Variants in ABCB1 observed in about 807,000 individuals in gnomAD.
The protein encoded by ABCB1 is ATP binding cassette subfamily B member 1, also known as ATP-dependent translocase ABCB1.
In ABCB1, 69 loss-of-function variants were observed where a neutral mutation model predicts 142.0. The observed-to-expected ratio is 0.49, with a 90% CI of 0.40 to 0.59. The LOEUF (loss-of-function observed/expected upper bound fraction) is 0.59, where lower values mean the gene tolerates loss of function less well. ABCB1 is among the 20% of genes least tolerant of loss of function. The probability of loss-of-function intolerance (pLI) is 0.00; values close to 1 mark genes in which losing one functional copy is unlikely to be tolerated. For missense variants in ABCB1, 1,326 were observed against 1,554.7 expected (o/e 0.85, Z 2.47); for synonymous variants, 532 against 539.2 (o/e 0.99, Z 0.18).
At chr7:87,510,737 T>G (rs927431285) in intron 25 of ABCB1, among the ~76,000 whole-genome samples, 102 of 152,200 alleles carry the variant, frequency 6.7e-4, no homozygotes, top group African/African-American at 2.3e-3. Context: ...CACTGGCAGG[T>G]GCAGGGATGG....
At chr7:87,644,357 T>C (rs1822767238) in intron 1 of ABCB1, among the ~76,000 whole-genome samples, 1 of 152,230 alleles carries the variant, frequency 6.6e-6, no homozygotes. Flanking sequence ...CTGACTGTTA[T>C]TTTAATGGCA....
chr7:87,603,251 T>C (rs1275547702), upstream of ABCB1: 1 of 152,234 alleles, frequency 6.6e-6, no homozygotes. Context: ...ATTTAATCTT[T>C]ACAAGAATCC....
chr7:87,524,640 A>G (rs1815703738), intron 21 of ABCB1, among the ~76,000 whole-genome samples: 3 of 152,082 alleles, frequency 2.0e-5, no homozygotes, highest in Admixed American at 2.0e-4. Context: ...ATGTTAAATG[A>G]CGAGTTGGTG....
upstream of ABCB1, among the ~76,000 whole-genome samples, chr7:87,602,663 A>G (rs566791478): frequency 1.3e-4 from 20 of 152,300 alleles, no homozygotes; most frequent in South Asian, 3.3e-3. Context: ...TATTTCTACA[A>G]TCTTGAGCAT....
chr7:87,709,359 G>A, intron 1 of ABCB1: 5 of 985,354 alleles, frequency 5.1e-6, no homozygotes, highest in Non-Finnish European at 6.0e-6. Flanking sequence ...GAAATTTCAA[G>A]AGAGAATTTT....
intron 14 of ABCB1, among the ~76,000 whole-genome samples, chr7:87,548,436 G>A (rs576965618): frequency 1.3e-5 from 2 of 152,106 alleles, no homozygotes; most frequent in African/African-American, 4.8e-5. Flanking sequence ...AAAATGAGGG[G>A]AAAAATAGTA....
intron 1 of ABCB1, among the ~76,000 whole-genome samples, chr7:87,678,782 A>C (rs1272994368): frequency 3.9e-5 from 6 of 152,210 alleles, no homozygotes. Context: ...AGTAGATTTA[A>C]TTATATATCA....
rs1373986918 is a variant in ABCB1, at chr7:87,553,932, C to T, written c.828G>A (p.Arg276=). The change falls in exon 9 of 28, where the codon AGG becomes AGA. Residue 276 remains arginine, a splice_region_variant and synonymous_variant. Coordinates refer to ENST00000622132, the MANE Select transcript of ABCB1 (RefSeq NM_001348946.2). ...TAGCTTCTTCTAAATTTTTGTTGTA[C>T]CTGAGAAAAAGAACAAAAATGATCA... ...AFGGQKKELE[R]YNKNLEEAKR... is the part of the protein sequence containing the mutation. The T allele has an allele frequency of 1.2e-6, 2 of 1,611,950 alleles. No individual in the cohort carries two copies. The highest frequency in any genetic ancestry group is 2.2e-5 in the East Asian group (1 of 44,854).
At chr7:87,594,533 G>GA (rs1819118417) in intron 3 of ABCB1, among the ~76,000 whole-genome samples, 1 of 152,272 alleles carries the variant, frequency 6.6e-6, no homozygotes, top group Non-Finnish European at 1.5e-5. Context: ...AATAAAAACT[G>GA]AAAGTCTCAA....
intron 1 of ABCB1, chr7:87,628,584 C>CGTGCGTGCGTGTGT (rs1468348829): frequency 7.2e-6 from 2 of 278,404 alleles, no homozygotes; most frequent in African/African-American, 4.8e-5. Context: ...TGCGTGCGTG[C>CGTGCGTGCGTGTGT]GTGTGTGTGT....
intron 22 of ABCB1, among the ~76,000 whole-genome samples, chr7:87,520,479 T>A (rs937866867): frequency 1.3e-5 from 2 of 152,164 alleles, no homozygotes; most frequent in African/African-American, 4.8e-5. Context: ...CATTTTCAAC[T>A]AGAGCAAATT....
chr7:87,589,355 G>A (rs766873915), intron 3 of ABCB1, among the ~76,000 whole-genome samples: 83 of 152,148 alleles, frequency 5.5e-4, no homozygotes, highest in Non-Finnish European at 1.0e-3. Flanking sequence ...AGCAGATAAT[G>A]TTACTGGTTT....
intron 1 of ABCB1, among the ~76,000 whole-genome samples, chr7:87,682,677 TG>T (rs535862290): frequency 6.6e-6 from 1 of 152,312 alleles, no homozygotes; most frequent in East Asian, 1.9e-4. Context: ...TAAGCCAAAC[TG>T]TAAACAGAGG....
intron 4 of ABCB1, among the ~76,000 whole-genome samples, chr7:87,584,393 G>T (rs963159306): frequency 1.3e-5 from 2 of 152,126 alleles, no homozygotes; most frequent in Admixed American, 1.3e-4. Flanking sequence ...TTTCAAGTAC[G>T]TTATCAAACA....
At chr7:87,516,236 ACT>A (rs1248082454) in intron 24 of ABCB1, among the ~76,000 whole-genome samples, 2 of 152,020 alleles carry the variant, frequency 1.3e-5, no homozygotes, top group African/African-American at 4.8e-5. Flanking sequence ...ACAGAGTAAG[ACT>A]CTGTCTCTAA....
chr7:87,657,902 C>T (rs770616607), intron 1 of ABCB1, among the ~76,000 whole-genome samples: 1 of 152,134 alleles, frequency 6.6e-6, no homozygotes, highest in Non-Finnish European at 1.5e-5. Flanking sequence ...GCCCCCCTCC[C>T]ACCTTCCCCT....
rs772971590 is a variant in ABCB1, at chr7:87,504,355, A to G, written c.3731T>C (p.Val1244Ala). The G allele has an allele frequency of 6.8e-6, 11 of 1,614,062 alleles. No individual in the cohort carries two copies. In the Admixed American group the frequency reaches 8.3e-5, roughly 12 times the overall value. The change falls in exon 28 of 28, where the codon GTG becomes GCG. Residue 1244 changes from valine (V) to alanine (A), a missense_variant. By Grantham distance (64) the Val-to-Ala change is moderately conservative. Transcript: ENST00000622132. ...CTTGACTCTGCCATTCTGAAACACC[A>G]CTATTAAGTCTGCATTCTGGATGGT... ...LSTIQNADLIVVFQNGRVKEH... is the reference protein window; with the variant it reads ...LSTIQNADLIAVFQNGRVKEH...
At chr7:87,693,962 C>T (rs1309557391) in intron 1 of ABCB1, 1 of 1,611,528 alleles carries the variant, frequency 6.2e-7, no homozygotes, top group Admixed American at 1.7e-5. Context: ...CTTCAAGGTA[C>T]TCTATGCTGG....
At chr7:87,602,017 G>A (rs570350762), upstream of ABCB1, among the ~76,000 whole-genome samples, 19 of 151,880 alleles carry the variant, frequency 1.3e-4, no homozygotes, top group African/African-American at 4.6e-4. Flanking sequence ...TTTTTGAGAC[G>A]GAGTCTTGCT....
Sources: allele counts gnomAD v4.1 joint callset (sites outside exome capture counted in the v4.1 genomes callset), GRCh38; gene constraint gnomAD v4.1.1; transcripts MANE v1.5; gene names NCBI Gene and HGNC (gene_info 2026-07-23, HGNC 2026-07-21).